Variants in CFAP52 observed in about 807,000 individuals in gnomAD.
The protein encoded by CFAP52 is cilia and flagella associated protein 52.
Under a neutral mutation model 70.5 loss-of-function variants are expected in CFAP52, and 57 were observed. The observed-to-expected ratio is 0.81, with a 90% CI of 0.65 to 1.01. The LOEUF (loss-of-function observed/expected upper bound fraction) is 1.01. CFAP52 is among the 50% of genes least tolerant of loss of function. The probability of loss-of-function intolerance (pLI) is 0.00; values close to 1 mark genes in which losing one functional copy is unlikely to be tolerated. For synonymous variants in CFAP52, 267 were observed against 292.5 expected, an observed-to-expected ratio of 0.91 and a Z score of 0.89; for missense variants, 785 against 788.5, an observed-to-expected ratio of 1.00 and a Z score of 0.05.
chr17:9,641,680 C>G (rs1468389584), intron 12 of CFAP52, 44 bp from the exon 13 acceptor site: 16 of 1,465,034 alleles, frequency 1.1e-5, no homozygotes, highest in African/African-American at 1.4e-5. Context: ...ATGGATGACT[C>G]TCCTGAGCTG....
intron 2 of CFAP52, 73 bp from the exon 3 acceptor site, chr17:9,586,625 C>A: frequency 6.8e-7 from 1 of 1,464,754 alleles, no homozygotes; most frequent in Non-Finnish European, 9.0e-7. Context: ...TTGTTTTTCA[C>A]CAAGAAGGGT....
At chr17:9,637,082 C>A (rs958081509) in intron 11 of CFAP52, among the ~76,000 whole-genome samples, 1 of 151,784 alleles carries the variant, frequency 6.6e-6, no homozygotes, top group Non-Finnish European at 1.5e-5. Context: ...CAAAAAAAAA[C>A]CCGACAAAGC....
At chr17:9,610,104 A>T (rs1447406149) in intron 7 of CFAP52, among the ~76,000 whole-genome samples, 1 of 152,148 alleles carries the variant, frequency 6.6e-6, no homozygotes, top group African/African-American at 2.4e-5. Flanking sequence ...GGGGAGAGGA[A>T]TGATGAGAAA....
chr17:9,612,789 C>T (rs1159284192), intron 8 of CFAP52, among the ~76,000 whole-genome samples: 1 of 150,104 alleles, frequency 6.7e-6, no homozygotes, highest in African/African-American at 2.5e-5. Flanking sequence ...ACAGACAGTC[C>T]CTGACTTATG....
chr17:9,640,965 T>C (rs1911029121), intron 12 of CFAP52, among the ~76,000 whole-genome samples: 1 of 152,198 alleles, frequency 6.6e-6, no homozygotes, highest in South Asian at 2.1e-4. Context: ...ATTTTCTTTA[T>C]GCAGTCTATC....
chr17:9,581,054 C>T (rs1341374369), intron 1 of CFAP52, among the ~76,000 whole-genome samples: 3 of 152,194 alleles, frequency 2.0e-5, no homozygotes, highest in Admixed American at 6.5e-5. Flanking sequence ...TGGTGGCTCA[C>T]GCCTGTAATC....
chr17:9,603,155 G>GA (rs386385629), intron 6 of CFAP52, among the ~76,000 whole-genome samples: 1 of 151,446 alleles, frequency 6.6e-6, no homozygotes, highest in Non-Finnish European at 1.5e-5. Flanking sequence ...GCTATCTTAG[G>GA]TTTCTCAAAC....
intron 4 of CFAP52, among the ~76,000 whole-genome samples, chr17:9,596,779 G>T (rs1476847835): frequency 2.0e-5 from 3 of 151,298 alleles, no homozygotes; most frequent in Non-Finnish European, 4.4e-5. Flanking sequence ...GCAGTGGCAC[G>T]ATCTCGGCTC....
rs1491374507 is a variant in CFAP52 at position 9,597,829 on chromosome 17, GAA to G, written c.537-403_537-402del. Among the ~76,000 whole-genome samples, 238 of 147,830 alleles carry G rather than the reference GAA, an allele frequency of 1.6e-3. 3 individuals carry two copies. The highest frequency in any genetic ancestry group is 0.015 in the East Asian group (74 of 4,952). ...AGAGAGAGAGAGAGAGAGAGAGAGA[GAA>G]AGAGAGAAAGAGAGAGAGAAAGAGA... On this transcript the variant is annotated intron_variant, in intron 4 of 13. Transcript: ENST00000352665.
chr17:9,600,082 A>G lies in CFAP52; in HGVS notation c.652A>G (p.Ser218Gly). Residue 218 changes from serine (S) to glycine (G), a missense_variant, in exon 6 of 14, where the codon AGC becomes GGC. Ser to Gly is a moderately conservative substitution (Grantham distance 56). Coordinates refer to ENST00000352665, the MANE Select transcript of CFAP52 (RefSeq NM_145054.5). ...GCTTCTTCAGGTGGATGATGATGATAGCTTTTTCTACCTTGGCACCACGAC... is the reference window on the plus strand; with the variant it reads ...GCTTCTTCAGGTGGATGATGATGATGGCTTTTTCTACCTTGGCACCACGAC... ...VMSIGVDDDD[S>G]FFYLGTTTGD... 1 of 1,613,528 alleles carries G rather than the reference A, an allele frequency of 6.2e-7. No homozygotes were observed. Among genetic ancestry groups the G allele is most frequent in the East Asian group, 2.2e-5 (1 of 44,830 alleles).
chr17:9,616,150 C>A lies in CFAP52; in HGVS notation c.1025+3671C>A, dbSNP rs1017343898. On this transcript the variant is annotated intron_variant, in intron 8 of 13. Transcript: ENST00000352665. ...CAGGCCAGTGTGTGCGCGCACCGTG[C>A]GCGAGCCGAAGCAGGTCGAGGCATT... Among the ~76,000 whole-genome samples, 105 of 141,960 alleles carry A rather than the reference C, an allele frequency of 7.4e-4. 4 individuals are homozygous for A. Among genetic ancestry groups the A allele is most frequent in the Admixed American group, 7.1e-3 (105 of 14,702 alleles). 93.1% of individuals were successfully genotyped at this position (141,960 alleles called of 152,430 possible).
chr17:9,593,224 A>G (rs1018887279), intron 3 of CFAP52, among the ~76,000 whole-genome samples: 4 of 152,056 alleles, frequency 2.6e-5, no homozygotes, highest in Non-Finnish European at 4.4e-5. Flanking sequence ...ATTTTTTTGT[A>G]TTATGATCCA....
chr17:9,627,736 C>G (rs1350885382), intron 8 of CFAP52, among the ~76,000 whole-genome samples: 1 of 151,976 alleles, frequency 6.6e-6, no homozygotes, highest in Non-Finnish European at 1.5e-5. Context: ...TTTTTAGAGG[C>G]AAATTCTCTT....
rs1026089357 is a variant in CFAP52 at position 9,616,591 on chromosome 17, G to T, written c.1025+4112G>T. ...ACAGCAGTAACCTCTGCAGACTTAC[G>T]TGTCCCTGTCTGACAGCTTTGAAGA... On this transcript the variant is annotated intron_variant, in intron 8 of 13. Transcript: ENST00000352665. 6.4e-4 allele frequency among the ~76,000 whole-genome samples: 95 copies of T among 149,506 alleles called. 6 individuals carry two copies. Among genetic ancestry groups the T allele is most frequent in the African/African-American group, 2.3e-3 (90 of 39,534 alleles).
chr17:9,612,604 G>T, intron 8 of CFAP52, 125 bp downstream of exon 8: 1 of 1,114,790 alleles, frequency 9.0e-7, no homozygotes, highest in Non-Finnish European at 1.2e-6. Context: ...TTTTTCTAAC[G>T]TGGTGAATTA....
chr17:9,628,705 G>C lies in CFAP52; in HGVS notation c.1059G>C (p.Lys353Asn), dbSNP rs1405429204. 5.0e-6 allele frequency: 8 copies of C among 1,614,080 alleles called. No homozygotes were observed. Among genetic ancestry groups the C allele is most frequent in the Non-Finnish European group, 6.8e-6 (8 of 1,180,028 alleles). ...CTGAGCTATTTGCAACCTGTGCCAAGAAGGATATCAGGGTGTGGCACACAT... is the reference window on the plus strand; with the variant it reads ...CTGAGCTATTTGCAACCTGTGCCAACAAGGATATCAGGGTGTGGCACACAT... ...GTAELFATCA[K>N]KDIRVWHTSS... is the part of the protein sequence containing the mutation. The change falls in exon 9 of 14, where the codon AAG (lysine) becomes AAC (asparagine). Residue 353 changes from lysine to asparagine, a missense_variant. Coordinates refer to ENST00000352665, the MANE Select transcript of CFAP52 (RefSeq NM_145054.5).
chr17:9,582,888 C>T (rs1327140834), intron 1 of CFAP52, among the ~76,000 whole-genome samples: 6 of 152,240 alleles, frequency 3.9e-5, no homozygotes, highest in African/African-American at 7.2e-5. Context: ...CTGCCTGCCT[C>T]GGCCTCCCAA....
Position 9,608,214 on chromosome 17 carries a change from C to T in CFAP52, c.849C>T (p.Pro283=), listed in dbSNP as rs1295710500. 1.2e-6 allele frequency: 2 copies of T among 1,603,768 alleles called. No homozygotes were observed. Among genetic ancestry groups the T allele is most frequent in the Non-Finnish European group, 1.7e-6 (2 of 1,174,032 alleles). ...TCTGTAAAAGCCCTGGCTACAAACCCATCAAGTAAGTTCCGGGTCTCACAC... is the reference window on the plus strand; with the variant it reads ...TCTGTAAAAGCCCTGGCTACAAACCTATCAAGTAAGTTCCGGGTCTCACAC... ...LVFCKSPGYK[P]IKKIQLQGGI... Residue 283 remains proline (P), a synonymous_variant, in exon 7 of 14, where the codon CCC becomes CCT. Coordinates refer to ENST00000352665, the MANE Select transcript of CFAP52 (RefSeq NM_145054.5).
chr17:9,586,612 T>A, intron 2 of CFAP52, 86 bp from the exon 3 acceptor site: 3 of 1,375,960 alleles, frequency 2.2e-6, no homozygotes, highest in South Asian at 1.6e-5. Context: ...GTGACAGTAC[T>A]AATTGTTTTT....
Sources: gnomAD v4.1 joint callset for allele counts (sites outside exome capture counted in the v4.1 genomes callset) on GRCh38, gnomAD v4.1.1 for gene constraint, MANE v1.5 for transcripts, NCBI Gene and HGNC (gene_info 2026-07-23, HGNC 2026-07-21) for gene names.